KANK4: variants seen among roughly 807,000 people sequenced by gnomAD.
The protein encoded by KANK4 is KN motif and ankyrin repeat domain-containing protein 4.
A neutral mutation model predicts 80.8 loss-of-function variants in KANK4; 50 were observed. That is an observed-to-expected ratio of 0.62 (90% CI 0.49 to 0.78). KANK4 has a LOEUF of 0.78. KANK4 is among the 30% of genes least tolerant of loss of function. The probability of loss-of-function intolerance (pLI) is 0.00; values close to 1 mark genes in which losing one functional copy is unlikely to be tolerated. For synonymous variants in KANK4, 465 were observed against 506.9 expected, an observed-to-expected ratio of 0.92 and a Z score of 1.11; for missense variants, 1,196 against 1,240.1, an observed-to-expected ratio of 0.96 and a Z score of 0.53.
chr1:62,248,200 T>A (rs1033771043), intron 8 of KANK4, among the ~76,000 whole-genome samples: 4 of 152,180 alleles, frequency 2.6e-5, no homozygotes, highest in African/African-American at 9.6e-5. Flanking sequence ...CGATCTCTGG[T>A]TGCATGTCCT....
intron 1 of KANK4, among the ~76,000 whole-genome samples, chr1:62,308,539 A>G (rs1446297220): frequency 6.6e-6 from 1 of 152,140 alleles, no homozygotes; most frequent in Non-Finnish European, 1.5e-5. Context: ...GGAGAGAACT[A>G]TCCTGGTCTC....
intron 7 of KANK4, among the ~76,000 whole-genome samples, chr1:62,260,059 G>A (rs947240986): frequency 1.3e-5 from 2 of 152,008 alleles, no homozygotes; most frequent in East Asian, 1.9e-4. Flanking sequence ...TGAGGAGATC[G>A]AGGCCATCTG....
At chr1:62,278,853 C>T (rs1381440221) in intron 2 of KANK4, among the ~76,000 whole-genome samples, 1 of 152,126 alleles carries the variant, frequency 6.6e-6, no homozygotes, top group Admixed American at 6.5e-5. Context: ...TACTGGTCTG[C>T]TCAACAGCCC....
intron 1 of KANK4, among the ~76,000 whole-genome samples, chr1:62,307,265 C>A (rs945493850): frequency 9.2e-5 from 14 of 151,938 alleles, no homozygotes; most frequent in African/African-American, 3.1e-4. Context: ...GGTAGATCGC[C>A]TGAGGTCAGG....
intron 1 of KANK4, among the ~76,000 whole-genome samples, chr1:62,293,763 T>C (rs776059043): frequency 3.5e-4 from 53 of 152,202 alleles, no homozygotes; most frequent in Non-Finnish European, 2.8e-4. Flanking sequence ...CGTTTTGGTA[T>C]TAGTGCAGAA....
intron 7 of KANK4, among the ~76,000 whole-genome samples, chr1:62,256,252 T>C (rs1167676989): frequency 1.3e-5 from 2 of 152,212 alleles, no homozygotes; most frequent in Admixed American, 6.5e-5. Context: ...CAGAATGATA[T>C]TCTCATAAGG....
chr1:62,267,573 G>A lies in KANK4; in HGVS notation c.2231+714C>T, dbSNP rs183247495. 1.7e-3 allele frequency among the ~76,000 whole-genome samples: 256 copies of A among 152,272 alleles called. 1 individual carries two copies. Among genetic ancestry groups the A allele is most frequent in the African/African-American group, 5.6e-3 (232 of 41,564 alleles). On this transcript the variant is annotated intron_variant, in intron 5 of 9. Coordinates refer to ENST00000371153, the MANE Select transcript of KANK4 (RefSeq NM_181712.5). ...TCCCAGCACTTTGGGAGGCTGAGGC[G>A]GGTGGATCACAAGGTCAGGTGTTCA...
At chr1:62,273,005 G>A (rs1672201750) in intron 3 of KANK4, among the ~76,000 whole-genome samples, 199 bp downstream of exon 3, 1 of 151,916 alleles carries the variant, frequency 6.6e-6, no homozygotes, top group Admixed American at 6.6e-5. Context: ...TGACCAGGCT[G>A]GTCTTGAACT....
intron 1 of KANK4, among the ~76,000 whole-genome samples, chr1:62,313,450 C>T (rs1483733902): frequency 6.6e-6 from 1 of 152,196 alleles, no homozygotes; most frequent in Non-Finnish European, 1.5e-5. Flanking sequence ...TGTTCTCAGG[C>T]TCACGGGGAT....
At chr1:62,281,499 C>T (rs1197570725) in intron 2 of KANK4, 50 bp downstream of exon 2, 1 of 1,612,672 alleles carries the variant, frequency 6.2e-7, no homozygotes, top group Non-Finnish European at 8.5e-7. Flanking sequence ...CAATTCTTTC[C>T]CAGCCCAAGT....
Position 62,273,927 on chromosome 1 carries a change from G to C in KANK4, c.1177C>G (p.Gln393Glu). The change falls in exon 3 of 10, where the codon CAA becomes GAA. Residue 393 changes from glutamine (Q) to glutamate (E), a missense_variant. Physicochemically the swap from Gln to Glu is conservative, Grantham distance 29. Transcript: ENST00000371153. ...TCTTGGTGAAACTGTCCTTCCAGTT[G>C]GGCTACAGTGAACTCCAGCTCTCGA... Reference protein sequence around the residue: ...RIRELEFTVAQLEGQFHQENA... With the variant: ...RIRELEFTVAELEGQFHQENA... 6.2e-7 allele frequency: 1 copy of C among 1,614,174 alleles called. No homozygotes were observed. The highest frequency in any genetic ancestry group is 8.5e-7 in the Non-Finnish European group (1 of 1,180,044).
chr1:62,253,537 G>A (rs951327602), intron 7 of KANK4, among the ~76,000 whole-genome samples: 2 of 150,386 alleles, frequency 1.3e-5, no homozygotes, highest in African/African-American at 4.9e-5. Context: ...AGCCTCCTGA[G>A]TAGCCAGGAT....
At chr1:62,282,451 T>A (rs995275787) in intron 1 of KANK4, among the ~76,000 whole-genome samples, 18 of 152,106 alleles carry the variant, frequency 1.2e-4, no homozygotes, top group African/African-American at 4.3e-4. Flanking sequence ...ACCGCAGCAG[T>A]GGAAGCAGGG....
intron 2 of KANK4, among the ~76,000 whole-genome samples, chr1:62,275,694 G>A (rs1672293817): frequency 6.6e-6 from 1 of 152,198 alleles, no homozygotes; most frequent in South Asian, 2.1e-4. Context: ...GCTGGAACAA[G>A]TAATCATCCA....
chr1:62,249,813 G>A, intron 8 of KANK4, among the ~76,000 whole-genome samples: 1 of 151,886 alleles, frequency 6.6e-6, no homozygotes, highest in East Asian at 1.9e-4. Context: ...AAAGTGCTGG[G>A]ATTACAGGCA....
intron 1 of KANK4, among the ~76,000 whole-genome samples, chr1:62,315,396 C>T (rs1348617654): frequency 6.6e-6 from 1 of 152,148 alleles, no homozygotes; most frequent in Non-Finnish European, 1.5e-5. Flanking sequence ...CTCTGAGCCT[C>T]GATTTCCTTA....
At chr1:62,313,644 GA>G (rs1456043158) in intron 1 of KANK4, among the ~76,000 whole-genome samples, 2 of 151,950 alleles carry the variant, frequency 1.3e-5, no homozygotes, top group African/African-American at 4.8e-5. Flanking sequence ...AGTAAGAGTT[GA>G]ACAATGAGAA....
At chr1:62,262,086 A>G (rs1460371373) in intron 7 of KANK4, among the ~76,000 whole-genome samples, 1 of 152,228 alleles carries the variant, frequency 6.6e-6, no homozygotes, top group African/African-American at 2.4e-5. Context: ...TGAAAGATGA[A>G]TGAATCAAGT....
intron 1 of KANK4, among the ~76,000 whole-genome samples, chr1:62,317,448 A>G (rs751503170): frequency 6.6e-6 from 1 of 152,146 alleles, no homozygotes; most frequent in Admixed American, 6.5e-5. Flanking sequence ...TTCTCCCCAC[A>G]CTATGATCTA....
Sources: allele counts gnomAD v4.1 joint callset (sites outside exome capture counted in the v4.1 genomes callset), GRCh38; gene constraint gnomAD v4.1.1; transcripts MANE v1.5; gene names NCBI Gene and HGNC (gene_info 2026-07-23, HGNC 2026-07-21).